The following THADA variants were observed in gnomAD, a reference collection of about 807,000 sequenced individuals.
THADA encodes tRNA (32-2'-O)-methyltransferase regulator THADA.
In THADA, 213 loss-of-function variants were observed where a neutral mutation model predicts 219.8. The ratio of observed to expected loss-of-function variants is 0.97; its 90% CI spans 0.87 to 1.09. THADA has a LOEUF of 1.09. Ranked by LOEUF, THADA falls within the 50% of genes least tolerant of loss-of-function variation. The probability of loss-of-function intolerance (pLI) is 0.00; values close to 1 mark genes in which losing one functional copy is unlikely to be tolerated. For synonymous variants in THADA, 1,018 were observed against 828.9 expected (o/e 1.23, Z -3.92); for missense variants, 2,956 against 2,311.3 (o/e 1.28, Z -5.72).
intron 24 of THADA, among the ~76,000 whole-genome samples, chr2:43,499,372 T>TTTTTA (rs948787777): frequency 6.6e-6 from 1 of 152,096 alleles, no homozygotes; most frequent in Non-Finnish European, 1.5e-5. Flanking sequence ...AAAACTTTAT[T>TTTTTA]TTTTATTTTA....
At chr2:43,352,394 C>T (rs965845367) in intron 29 of THADA, among the ~76,000 whole-genome samples, 1 of 152,078 alleles carries the variant, frequency 6.6e-6, no homozygotes, top group Non-Finnish European at 1.5e-5. Context: ...CCCATCTCTA[C>T]TAAAAATACA....
At chr2:43,277,223 T>C (rs914247213) in intron 36 of THADA, 4 of 152,474 alleles carry the variant, frequency 2.6e-5, no homozygotes, top group African/African-American at 9.6e-5. Context: ...TAGCTTCCCA[T>C]TACCTGCAGA....
In THADA at chr2:43,551,873, T is replaced by C; in HGVS notation, c.2863A>G (p.Met955Val). The C allele has an allele frequency of 1.2e-6, 2 of 1,613,806 alleles. No individual in the cohort carries two copies. The highest frequency in any genetic ancestry group is 1.7e-6 in the Non-Finnish European group (2 of 1,179,834). Reference protein sequence around the residue: ...WRPVVEKLLLMSYRLSTVVSP... With the variant: ...WRPVVEKLLLVSYRLSTVVSP... The stretch of plus-strand genomic sequence containing the variant: ...ACCACAGTGGAAAGCCTGTAGGACA[T>C]CAAAAGGAGCTTCTCTACCACAGGT... Residue 955 changes from methionine to valine, a missense_variant, in exon 19 of 38, where the codon ATG becomes GTG. Met to Val is a conservative substitution (Grantham distance 21). Coordinates refer to ENST00000405975, the MANE Select transcript of THADA (RefSeq NM_022065.5).
Position 43,279,763 on chromosome 2 carries a change from A to T in THADA, c.5296+2T>A, listed in dbSNP as rs775789624. The T allele has an allele frequency of 6.5e-7, 1 of 1,547,878 alleles. No homozygotes were observed. Among genetic ancestry groups the T allele is most frequent in the Non-Finnish European group, 8.7e-7 (1 of 1,145,694 alleles). On this transcript the variant is annotated splice_donor_variant, in intron 36 of 37. Transcript: ENST00000405975. LOFTEE classifies it high-confidence loss of function. ...CAATGCAAAAGGATAAGAACGAGGT[A>T]CCTGTTGACTGGCAGGTATTTTCTT...
intron 25 of THADA, among the ~76,000 whole-genome samples, chr2:43,494,444 T>C (rs1051720928): frequency 2.6e-5 from 4 of 152,198 alleles, no homozygotes; most frequent in South Asian, 4.1e-4. Context: ...CCCTAGAAGG[T>C]AGGTAAAATG....
intron 24 of THADA, among the ~76,000 whole-genome samples, chr2:43,502,643 C>A (rs1472417358): frequency 6.6e-6 from 1 of 150,476 alleles, no homozygotes; most frequent in Non-Finnish European, 1.5e-5. Flanking sequence ...TATAAAATGT[C>A]TTTCCCATCT....
intron 28 of THADA, among the ~76,000 whole-genome samples, chr2:43,401,950 T>TA (rs35038979): frequency 0.19 from 29,224 of 150,646 alleles, 3,027 homozygotes; most frequent in Non-Finnish European, 0.24. Flanking sequence ...TTTTTTTTTT[T>TA]AAAAAAAATT....
chr2:43,363,307 A>C (rs1669738219), intron 29 of THADA, among the ~76,000 whole-genome samples: 1 of 152,224 alleles, frequency 6.6e-6, no homozygotes, highest in South Asian at 2.1e-4. Context: ...TGAGTAATGC[A>C]TTGTGCTACA....
chr2:43,432,208 T>C (rs1445671107), intron 26 of THADA, among the ~76,000 whole-genome samples: 4 of 152,012 alleles, frequency 2.6e-5, no homozygotes, highest in African/African-American at 9.7e-5. Context: ...GCCAGGATGG[T>C]CTCGATCTCC....
chr2:43,420,850 G>A (rs549165958), intron 28 of THADA, among the ~76,000 whole-genome samples: 9 of 152,316 alleles, frequency 5.9e-5, no homozygotes, highest in African/African-American at 2.2e-4. Context: ...ACTACATGCT[G>A]AACCTCAGCT....
intron 26 of THADA, among the ~76,000 whole-genome samples, chr2:43,458,544 A>G (rs1683277358): frequency 6.6e-6 from 1 of 152,198 alleles, no homozygotes; most frequent in Non-Finnish European, 1.5e-5. Context: ...GAAATCACCA[A>G]GTTCTGCTGA....
At chr2:43,468,741 G>C (rs1474278848) in intron 26 of THADA, among the ~76,000 whole-genome samples, 1 of 152,140 alleles carries the variant, frequency 6.6e-6, no homozygotes. Flanking sequence ...CCGCAAGAAA[G>C]AGATGGCATA....
intron 26 of THADA, among the ~76,000 whole-genome samples, chr2:43,473,372 G>T (rs1197210069): frequency 6.6e-6 from 1 of 152,052 alleles, no homozygotes; most frequent in Non-Finnish European, 1.5e-5. Flanking sequence ...TCTACATTCT[G>T]TCGCACTGAA....
chr2:43,457,967 AC>A (rs1305488759), intron 26 of THADA, among the ~76,000 whole-genome samples: 1 of 152,280 alleles, frequency 6.6e-6, no homozygotes, highest in East Asian at 1.9e-4. Flanking sequence ...TTACATACAC[AC>A]ACAGTCTCAC....
At chr2:43,552,822 A>C (rs992385344) in intron 17 of THADA, among the ~76,000 whole-genome samples, 4 of 152,066 alleles carry the variant, frequency 2.6e-5, no homozygotes, top group Non-Finnish European at 5.9e-5. Context: ...AAAAAAAAAA[A>C]GAAAACTTAC....
At position 43,574,372 on chromosome 2, in the gene THADA, C is replaced by T. The variant is rs369020610; in HGVS notation, c.1693G>A (p.Val565Ile). The T allele has an allele frequency of 2.9e-5, 46 of 1,602,346 alleles. No homozygotes were observed. The African/African-American group carries it at 3.5e-4, about 12-fold the overall frequency. The change falls in exon 11 of 38, where the codon GTA becomes ATA. Residue 565 changes from valine (V) to isoleucine (I), a missense_variant. Val to Ile is a conservative substitution (Grantham distance 29). Coordinates refer to ENST00000405975, the MANE Select transcript of THADA (RefSeq NM_022065.5). ...TCAATAGAAGTCTGAAGAATCTTTACCATGTACTGTAAGCTTTCAGGGCTG... is the reference window on the plus strand; with the variant it reads ...TCAATAGAAGTCTGAAGAATCTTTATCATGTACTGTAAGCTTTCAGGGCTG... ...SYSPESLQYM[V>I]KILQTSIDAK...
chr2:43,319,486 G>A (rs1389483124), intron 31 of THADA, among the ~76,000 whole-genome samples: 1 of 152,084 alleles, frequency 6.6e-6, no homozygotes, highest in African/African-American at 2.4e-5. Context: ...ACATCGATCT[G>A]GGTGAGACGG....
At chr2:43,509,624 A>T (rs1255313542) in intron 22 of THADA, among the ~76,000 whole-genome samples, 1 of 152,172 alleles carries the variant, frequency 6.6e-6, no homozygotes, top group Non-Finnish European at 1.5e-5. Flanking sequence ...TGAGAATTAG[A>T]TCTCTTAGGA....
intron 36 of THADA, among the ~76,000 whole-genome samples, chr2:43,268,729 G>A (rs2104253181): frequency 6.6e-6 from 1 of 152,330 alleles, no homozygotes; most frequent in East Asian, 1.9e-4. Flanking sequence ...CTGCCCTGCA[G>A]AACTTCTCGG....
Sources: allele counts gnomAD v4.1 joint callset (sites outside exome capture counted in the v4.1 genomes callset), GRCh38; gene constraint gnomAD v4.1.1; transcripts MANE v1.5; gene names NCBI Gene and HGNC (gene_info 2026-07-23, HGNC 2026-07-21).